MYO5A: variants seen among roughly 807,000 people sequenced by gnomAD.
MYO5A encodes the protein unconventional myosin-Va.
MYO5A carries 98 observed loss-of-function variants against 249.7 expected under a neutral mutation model. The ratio of observed to expected loss-of-function variants is 0.39; its 90% CI spans 0.33 to 0.46. The LOEUF (loss-of-function observed/expected upper bound fraction) is 0.46, where lower values mean the gene tolerates loss of function less well. MYO5A is among the 20% of genes least tolerant of loss of function. MYO5A has a pLI of 0.98. For synonymous variants in MYO5A, 778 were observed against 810.6 expected (o/e 0.96, Z 0.68); for missense variants, 1,696 against 2,308.8 (o/e 0.73, Z 5.44).
intron 38 of MYO5A, among the ~76,000 whole-genome samples, chr15:52,319,654 T>A (rs543460981): frequency 6.6e-6 from 1 of 152,124 alleles, no homozygotes; most frequent in African/African-American, 2.4e-5. Flanking sequence ...TCACTTGAAC[T>A]TGGGAGGCAA....
intron 1 of MYO5A, among the ~76,000 whole-genome samples, chr15:52,517,986 A>G (rs2077529709): frequency 6.6e-6 from 1 of 152,186 alleles, no homozygotes; most frequent in South Asian, 2.1e-4. Flanking sequence ...ATGCTTATAA[A>G]TCAACTTTTT....
At chr15:52,493,994 G>A (rs1050943392) in intron 1 of MYO5A, among the ~76,000 whole-genome samples, 4 of 152,062 alleles carry the variant, frequency 2.6e-5, no homozygotes, top group African/African-American at 7.3e-5. Context: ...AGCAAACTAC[G>A]AGCACAGCAA....
chr15:52,495,357 A>G (rs1377541930), intron 1 of MYO5A, among the ~76,000 whole-genome samples: 1 of 152,238 alleles, frequency 6.6e-6, no homozygotes, highest in Non-Finnish European at 1.5e-5. Context: ...AGTCAAAGTC[A>G]TAGAAGCAGA....
At position 52,353,956 on chromosome 15, in the gene MYO5A, C is replaced by T. The variant is rs757666635; in HGVS notation, c.3482G>A (p.Arg1161Gln). 6 of 1,614,224 alleles carry T rather than the reference C, an allele frequency of 3.7e-6. No individual in the cohort carries two copies. The highest frequency in any genetic ancestry group is 1.1e-5 in the South Asian group (1 of 91,084). ...CTTCTCCTGCTCCAGCTCTGTGACCCGCTTCTGGAGCTTAAGGAACAATGA... is the reference window on the plus strand; with the variant it reads ...CTTCTCCTGCTCCAGCTCTGTGACCTGCTTCTGGAGCTTAAGGAACAATGA... ...DMSLFLKLQKRVTELEQEKQV... is the reference protein window; with the variant it reads ...DMSLFLKLQKQVTELEQEKQV... The change falls in exon 26 of 42, where the codon CGG (arginine) becomes CAG (glutamine). Residue 1161 changes from arginine (R) to glutamine (Q), a missense_variant. Arg to Gln is a conservative substitution (Grantham distance 43). This residue lies in a region of MYO5A where 625 missense variants were observed against 908.1 expected (regional missense o/e 0.69). Transcript: ENST00000399233.
intron 1 of MYO5A, among the ~76,000 whole-genome samples, chr15:52,504,095 T>C (rs1264090810): frequency 6.6e-6 from 1 of 150,954 alleles, no homozygotes; most frequent in Non-Finnish European, 1.5e-5. Flanking sequence ...TATCTTGTTC[T>C]CTTCTTTCCC....
rs2037683390 is a variant in MYO5A at position 52,308,450 on chromosome 15, T to C, written c.*5246A>G. On this transcript the variant is annotated 3_prime_UTR_variant, in exon 42 of 42. Transcript: ENST00000399233. ...GAATGTCCACAAAAAGTTTGAGTTATACCCTTTACCTTTAGTAACAAAAGG... is the reference window on the plus strand; with the variant it reads ...GAATGTCCACAAAAAGTTTGAGTTACACCCTTTACCTTTAGTAACAAAAGG... 6.6e-6 allele frequency: 1 copy of C among 152,270 alleles called. No individual in the cohort carries two copies. The highest frequency in any genetic ancestry group is 2.4e-5 in the African/African-American group (1 of 41,476). The allele number at this position is 152,270 out of a possible 1,614,324, so 9.4% of individuals were successfully genotyped here. A position where few individuals can be genotyped will look rare whatever the true frequency, so the allele number is the denominator to read the frequency against.
intron 25 of MYO5A, 34 bp downstream of exon 25, chr15:52,359,934 A>G: frequency 6.9e-7 from 1 of 1,449,532 alleles, no homozygotes; most frequent in South Asian, 1.2e-5. Context: ...GCATGCTCAT[A>G]TCCTACTTTC....
At chr15:52,494,132 T>A (rs1189834770) in intron 1 of MYO5A, among the ~76,000 whole-genome samples, 1 of 152,138 alleles carries the variant, frequency 6.6e-6, no homozygotes, top group African/African-American at 2.4e-5. Flanking sequence ...GTTCCCTATA[T>A]CATATGAAGG....
At chr15:52,374,890 T>C (rs2141102681) in intron 20 of MYO5A, among the ~76,000 whole-genome samples, 1 of 152,364 alleles carries the variant, frequency 6.6e-6, no homozygotes, top group Admixed American at 6.5e-5. Context: ...TACTTTTTTT[T>C]TCAAATTATA....
At chr15:52,337,574 A>G (rs1000870357) in intron 33 of MYO5A, among the ~76,000 whole-genome samples, 1 of 152,260 alleles carries the variant, frequency 6.6e-6, no homozygotes, top group African/African-American at 2.4e-5. Context: ...TTCAAATCAC[A>G]TTTTGCTTCC....
chr15:52,322,014 A>G (rs2038349119), intron 37 of MYO5A, among the ~76,000 whole-genome samples: 1 of 152,134 alleles, frequency 6.6e-6, no homozygotes, highest in Non-Finnish European at 1.5e-5. Context: ...CGTAGTACCC[A>G]CACCATGGTT....
chr15:52,338,181 T>C (rs535593737), intron 32 of MYO5A, among the ~76,000 whole-genome samples: 17 of 150,960 alleles, frequency 1.1e-4, no homozygotes, highest in African/African-American at 3.2e-4. Flanking sequence ...CCTGCCTTTT[T>C]ACTCCCAGCC....
chr15:52,433,118 C>T, intron 2 of MYO5A, 57 bp downstream of exon 2: 1 of 1,264,244 alleles, frequency 7.9e-7, no homozygotes, highest in Non-Finnish European at 1.2e-6. Context: ...AGTAAATTTA[C>T]ACTTTTGAAC....
chr15:52,462,833 G>A (rs1332566252), intron 1 of MYO5A, among the ~76,000 whole-genome samples: 1 of 149,708 alleles, frequency 6.7e-6, no homozygotes, highest in Non-Finnish European at 1.5e-5. Context: ...GGGCGACAGC[G>A]AGAATCCGTC....
chr15:52,528,649 C>T (rs1419293014), intron 1 of MYO5A, 131 bp downstream of exon 1: 3 of 1,093,572 alleles, frequency 2.7e-6, no homozygotes, highest in Non-Finnish European at 2.5e-6. Flanking sequence ...GCCGAGGGTT[C>T]TGAGGCGCTG....
intron 1 of MYO5A, among the ~76,000 whole-genome samples, chr15:52,521,009 C>G (rs1199987977): frequency 6.6e-6 from 1 of 152,124 alleles, no homozygotes; most frequent in African/African-American, 2.4e-5. Context: ...GCAGGCGTAT[C>G]ACATGGTCAG....
chr15:52,335,247 C>T lies in MYO5A; in HGVS notation c.4408+1216G>A, dbSNP rs150527461. On this transcript the variant is annotated intron_variant, in intron 34 of 41. Transcript: ENST00000399233. The stretch of plus-strand genomic sequence containing the variant: ...TTAAAATTTGGCTTTAGGCTGGAAG[C>T]GGTGGCTCACGCCTATACCCAGCAC... 5.3e-5 allele frequency among the ~76,000 whole-genome samples: 8 copies of T among 152,194 alleles called. No individual in the cohort carries two copies. The East Asian group carries it at 1.4e-3, about 26-fold the overall frequency.
chr15:52,444,888 A>G (rs755714064), intron 1 of MYO5A, among the ~76,000 whole-genome samples: 21 of 152,352 alleles, frequency 1.4e-4, no homozygotes, highest in East Asian at 5.8e-4. Flanking sequence ...TTAAGGAATC[A>G]TGGCATTAAA....
rs2037657837 is a variant in MYO5A, at chr15:52,307,448, G to A, written c.*6248C>T. 1 of 152,090 alleles carries A rather than the reference G, an allele frequency of 6.6e-6. No homozygotes were observed. Among genetic ancestry groups the A allele is most frequent in the Non-Finnish European group, 1.5e-5 (1 of 67,990 alleles). The allele number at this position is 152,090 out of a possible 1,614,324, so 9.4% of individuals were successfully genotyped here. Reference sequence around the variant, plus strand: ...ATCTTAGCACTAGGTGATATCTAGTGAAAACCCATGTTTCAAAGGCTTTTG... The same window carrying A: ...ATCTTAGCACTAGGTGATATCTAGTAAAAACCCATGTTTCAAAGGCTTTTG... On this transcript the variant is annotated 3_prime_UTR_variant, in exon 42 of 42. Coordinates refer to ENST00000399233, the MANE Select transcript of MYO5A (RefSeq NM_001382347.1).
Sources: gnomAD v4.1 joint callset for allele counts (sites outside exome capture counted in the v4.1 genomes callset) on GRCh38, gnomAD v4.1.1 for gene constraint, gnomAD v4.1.1 regional missense constraint, MANE v1.5 for transcripts, NCBI Gene and HGNC (gene_info 2026-07-23, HGNC 2026-07-21) for gene names.